Variants in TMC6 observed in about 807,000 individuals in gnomAD.
The protein encoded by TMC6 is transmembrane channel-like protein 6.
Under a neutral mutation model 95.4 loss-of-function variants are expected in TMC6, and 71 were observed. That is an observed-to-expected ratio of 0.74 (90% CI 0.61 to 0.91). The LOEUF is 0.91. Among genes scored for constraint, TMC6 ranks in the 40% least tolerant of loss-of-function variants. The pLI is 0.00. For synonymous variants in TMC6, 514 were observed against 483.1 expected, an observed-to-expected ratio of 1.06 and a Z score of -0.84; for missense variants, 1,074 against 1,079.1, an observed-to-expected ratio of 1.00 and a Z score of 0.07.
At position 78,126,289 on chromosome 17, in the gene TMC6, TG is replaced by T; in HGVS notation, c.258del (p.Ser87AlafsTer64). ...TATLRILASMPSRTIGRSRGA... is the reference protein window; with the variant it reads ...TATLRILASMXSRTIGRSRGA... ...GGGTCCCACTCACCAATGGTGCGGC[TG>T]GGCATGCTGGCCAGGATGCGGAGTG... On this transcript the variant is annotated frameshift_variant, in exon 4 of 20. Transcript: ENST00000590602. LOFTEE classifies it high-confidence loss of function. 1 of 1,561,186 alleles carries T rather than the reference TG, an allele frequency of 6.4e-7. No homozygotes were observed.
In TMC6 at chr17:78,125,063, G is replaced by A. The variant is rs575471905; in HGVS notation, c.537-78C>T. On this transcript the variant is annotated intron_variant, in intron 6 of 19. Coordinates refer to ENST00000590602, the MANE Select transcript of TMC6 (RefSeq NM_001127198.5). ...TCCTTCCTGGAGACCGGCCACCCAC[G>A]GGCTCAGCCCCTTCTCCCCCACCAC... 128 of 1,539,790 alleles carry A rather than the reference G, an allele frequency of 8.3e-5. No individual in the cohort carries two copies. In the African/African-American group the frequency reaches 1.3e-3, roughly 16 times the overall value.
chr17:78,121,090 G>A lies in TMC6; in HGVS notation c.1458C>T (p.Ala486=). Residue 486 remains alanine (A), a synonymous_variant, in exon 12 of 20, where the codon GCC becomes GCT. Transcript: ENST00000590602. This position sits in a 1 kb window ranked among gnomAD's most constrained non-coding sequence, Gnocchi z 5.6. ...CGGCCAGGACACGGCACAGGTAGGG[G>A]GCCCCCAGGTTGAGGAGGCCAACCA... ...PLVVGLLNLG[A]PYLCRVLAAL... The A allele has an allele frequency of 1.2e-6, 2 of 1,612,854 alleles. No homozygotes were observed. The highest frequency in any genetic ancestry group is 1.1e-5 in the South Asian group (1 of 91,070).
In TMC6 at chr17:78,125,261, T is replaced by G. The variant is rs1345737597; in HGVS notation, c.433A>C (p.Lys145Gln). The G allele has an allele frequency of 1.6e-5, 25 of 1,567,748 alleles. No individual in the cohort carries two copies. The highest frequency in any genetic ancestry group is 2.2e-5 in the Non-Finnish European group (25 of 1,155,832). Reference protein sequence around the residue: ...LDPTALEEEEKQSLLVKELQS... With the variant: ...LDPTALEEEEQQSLLVKELQS... The stretch of plus-strand genomic sequence containing the variant: ...AGCTCCTTCACCAGGAGGCTCTGCT[T>G]CTCTGCGAGAGGGAGAGGGAGGTCC... Residue 145 changes from lysine to glutamine, a missense_variant and splice_region_variant, in exon 6 of 20, where the codon AAG becomes CAG. Physicochemically the swap from Lys to Gln is moderately conservative, Grantham distance 53. Transcript: ENST00000590602.
Position 78,126,659 on chromosome 17 carries a change from G to T in TMC6, c.57-11C>A. The T allele has an allele frequency of 6.2e-7, 1 of 1,612,886 alleles. No homozygotes were observed. The highest frequency in any genetic ancestry group is 8.5e-7 in the Non-Finnish European group (1 of 1,179,854). ...GGGCTGGGGCCCTGGCTGCAGAGGG[G>T]GTTGGCGGGGGGGTCAGGCTCCAGC... On this transcript the variant is annotated splice_polypyrimidine_tract_variant and intron_variant, in intron 2 of 19. Transcript: ENST00000590602.
chr17:78,116,367 G>C (rs2074114592), intron 18 of TMC6, among the ~76,000 whole-genome samples: 1 of 150,798 alleles, frequency 6.6e-6, no homozygotes, highest in Non-Finnish European at 1.5e-5. Context: ...GCCTCAACCT[G>C]GGCTCAAGCA....
intron 18 of TMC6, 60 bp downstream of exon 18, chr17:78,117,209 C>CG: frequency 6.4e-7 from 1 of 1,563,980 alleles, no homozygotes; most frequent in Non-Finnish European, 8.8e-7. Context: ...TGGAGGGGAG[C>CG]GTCACCCTCA....
At position 78,124,177 on chromosome 17, in the gene TMC6, AC is replaced by A. The variant is rs770165138; in HGVS notation, c.893del (p.Gly298ValfsTer18). 2 of 1,600,610 alleles carry A rather than the reference AC, an allele frequency of 1.2e-6. No homozygotes were observed. Among genetic ancestry groups the A allele is most frequent in the Non-Finnish European group, 1.7e-6 (2 of 1,175,932 alleles). On this transcript the variant is annotated frameshift_variant and splice_region_variant, in exon 9 of 20. Transcript: ENST00000590602. LOFTEE classifies it high-confidence loss of function. ...AGTACATGACGGTGTGGGTGAAGCA[AC>A]CCTGCCACAGGGAGATCCAGCCGAG... ...CTGLELLTGA[G>X]CFTHTVMYYG...
Position 78,122,932 on chromosome 17 carries a change from A to G in TMC6, c.1083-183T>C, listed in dbSNP as rs1274329189. 5.2e-6 allele frequency: 4 copies of G among 774,244 alleles called. No homozygotes were observed. Among genetic ancestry groups the G allele is most frequent in the Non-Finnish European group, 8.5e-6 (4 of 471,242 alleles). The allele number at this position is 774,244 out of a possible 1,614,324, so 48.0% of individuals were successfully genotyped here. Reference sequence around the variant, plus strand: ...CCAGCCCTCTACACCAGTCTCATCCAACATAGCACCCACCAGCCACATCTG... The same window carrying G: ...CCAGCCCTCTACACCAGTCTCATCCGACATAGCACCCACCAGCCACATCTG... On this transcript the variant is annotated intron_variant, in intron 9 of 19. Transcript: ENST00000590602. The surrounding 1 kb of genome is among the most constrained non-coding windows in gnomAD (Gnocchi z 4.9).
At chr17:78,126,463 C>G (rs1275698825) in intron 3 of TMC6, 61 bp downstream of exon 3, 1 of 1,609,854 alleles carries the variant, frequency 6.2e-7, no homozygotes, top group East Asian at 2.2e-5. Flanking sequence ...GAGGCCCGTC[C>G]TGAGGGGCTG....
intron 18 of TMC6, among the ~76,000 whole-genome samples, chr17:78,115,062 G>A (rs965931533): frequency 1.3e-5 from 2 of 152,234 alleles, no homozygotes; most frequent in Admixed American, 6.5e-5. Context: ...GACAACCACC[G>A]CAGCCGAGAT....
upstream of TMC6, chr17:78,132,145 C>A (rs743048): frequency 3.4e-6 from 5 of 1,479,160 alleles, no homozygotes; most frequent in Non-Finnish European, 4.6e-6. Context: ...CCCGACCAAT[C>A]GGCCCCTCCC....
At chr17:78,116,023 T>C (rs532695417) in intron 18 of TMC6, among the ~76,000 whole-genome samples, 2 of 152,148 alleles carry the variant, frequency 1.3e-5, no homozygotes, top group South Asian at 4.1e-4. Flanking sequence ...TGACACAGCA[T>C]GAGGGCCTCA....
Position 78,110,634 on chromosome 17 carries a change from C to T in TMC6, c.*2514G>A, listed in dbSNP as rs2073806917. On this transcript the variant is annotated 3_prime_UTR_variant, in exon 20 of 20. Transcript: ENST00000590602. ...CCCAGGCCGAGAAGCATCGCGGAGTCTTGTCATTCAGCCTGAAAATAGCAT... is the reference window on the plus strand; with the variant it reads ...CCCAGGCCGAGAAGCATCGCGGAGTTTTGTCATTCAGCCTGAAAATAGCAT... 6.6e-6 allele frequency: 1 copy of T among 150,794 alleles called. No individual in the cohort carries two copies. The highest frequency in any genetic ancestry group is 1.5e-5 in the Non-Finnish European group (1 of 67,770). The allele number at this position is 150,794 out of a possible 1,614,324, so 9.3% of individuals were successfully genotyped here.
chr17:78,131,633 G>A (rs1305112464), upstream of TMC6: 7 of 1,554,244 alleles, frequency 4.5e-6, no homozygotes, highest in Non-Finnish European at 6.1e-6. Context: ...CCCCTGGGGT[G>A]CCGGAGCCGG....
At position 78,122,656 on chromosome 17, in the gene TMC6, C is replaced by T. The variant is rs139523538; in HGVS notation, c.1176G>A (p.Thr392=). 14 of 1,611,860 alleles carry T rather than the reference C, an allele frequency of 8.7e-6. No individual in the cohort carries two copies. The highest frequency in any genetic ancestry group is 5.3e-5 in the African/African-American group (4 of 74,908). Residue 392 remains threonine (T), a synonymous_variant, in exon 10 of 20, where the codon ACG becomes ACA. Transcript: ENST00000590602. This position sits in a 1 kb window ranked among gnomAD's most constrained non-coding sequence, Gnocchi z 4.9. ...TVFCSWDYKV[T]QKRASRLQQD... is the part of the protein sequence containing the mutation. ...GCTGGAGGCGGGAGGCCCGCTTCTG[C>T]GTCACCTTGTAGTCCCAGGAGCAGA...
At position 78,121,211 on chromosome 17, in the gene TMC6, T is replaced by A. The variant is rs2074397831; in HGVS notation, c.1384-47A>T. ...TGTCATGGAAGCCCCCCATCCATGG[T>A]GGGAGCGGGCAGCTACAGGGAAGGG... On this transcript the variant is annotated intron_variant, in intron 11 of 19. Transcript: ENST00000590602. The surrounding 1 kb of genome is among the most constrained non-coding windows in gnomAD (Gnocchi z 5.6). The A allele has an allele frequency of 6.5e-7, 1 of 1,549,936 alleles. No homozygotes were observed. The highest frequency in any genetic ancestry group is 1.4e-5 in the African/African-American group (1 of 73,006).
In TMC6 at chr17:78,112,051, G is replaced by C; in HGVS notation, c.*1097C>G. ...ACCTGGAGCACTGGGGTCATGACGG[G>C]CTGGTCCCCGCAGGCCTGGAGCACA... On this transcript the variant is annotated 3_prime_UTR_variant, in exon 20 of 20. Transcript: ENST00000590602. The C allele has an allele frequency of 4.1e-6, 1 of 242,198 alleles. No homozygotes were observed. The highest frequency in any genetic ancestry group is 5.9e-5 in the Admixed American group (1 of 16,856). 15.0% of individuals were successfully genotyped at this position (242,198 alleles called of 1,614,324 possible).
At chr17:78,129,076 G>A (rs2074890529), upstream of TMC6, among the ~76,000 whole-genome samples, 1 of 150,818 alleles carries the variant, frequency 6.6e-6, no homozygotes. The surrounding 1 kb of genome is among the most constrained non-coding windows in gnomAD (Gnocchi z 4.3). Flanking sequence ...GCCGCCGAAA[G>A]CCCCAGGGAC....
intron 8 of TMC6, 142 bp downstream of exon 8, chr17:78,124,382 G>C: frequency 1.4e-6 from 2 of 1,414,198 alleles, no homozygotes; most frequent in Non-Finnish European, 1.9e-6. Context: ...TTGAGGGGGA[G>C]GCGGGGAGCT....
Sources: gnomAD v4.1 joint callset for allele counts (sites outside exome capture counted in the v4.1 genomes callset) on GRCh38, gnomAD v4.1.1 for gene constraint, Gnocchi (gnomAD v3.1) non-coding constraint, MANE v1.5 for transcripts, NCBI Gene and HGNC (gene_info 2026-07-23, HGNC 2026-07-21) for gene names.